The following GUCY2C variants were observed in gnomAD, a reference collection of about 807,000 sequenced individuals.
GUCY2C encodes guanylate cyclase 2C.
A neutral mutation model predicts 131.1 loss-of-function variants in GUCY2C; 118 were observed. That is an observed-to-expected ratio of 0.90 (90% CI 0.78 to 1.05). The LOEUF (loss-of-function observed/expected upper bound fraction) is 1.05, where lower values mean the gene tolerates loss of function less well. GUCY2C is among the 50% of genes least tolerant of loss of function. The pLI is 0.00. For synonymous variants in GUCY2C, 452 were observed against 457.8 expected, an observed-to-expected ratio of 0.99 and a Z score of 0.16; for missense variants, 1,161 against 1,304.4, an observed-to-expected ratio of 0.89 and a Z score of 1.69.
chr12:14,696,583 G>T lies in GUCY2C; in HGVS notation c.-135C>A. ...CCACTCTTCCCCACGCTTCTCTCTG[G>T]TCATGCCCAACTGGTCACATGGGCC... On this transcript the variant is annotated 5_prime_UTR_variant, in exon 1 of 27. Transcript: ENST00000261170. The T allele has an allele frequency of 1.5e-6, 1 of 659,366 alleles. No homozygotes were observed. Among genetic ancestry groups the T allele is most frequent in the Non-Finnish European group, 2.7e-6 (1 of 375,920 alleles). 40.8% of individuals were successfully genotyped at this position (659,366 alleles called of 1,614,324 possible).
At chr12:14,633,831 C>T (rs1762508837) in intron 19 of GUCY2C, among the ~76,000 whole-genome samples, 1 of 151,854 alleles carries the variant, frequency 6.6e-6, no homozygotes, top group African/African-American at 2.4e-5. Context: ...AACTTGAAGA[C>T]AGGTCTTTTG....
At chr12:14,631,148 A>G (rs1947134877) in intron 19 of GUCY2C, among the ~76,000 whole-genome samples, 1 of 152,192 alleles carries the variant, frequency 6.6e-6, no homozygotes, top group Non-Finnish European at 1.5e-5. Flanking sequence ...GTCTTTGTAA[A>G]TGGAAGGAAA....
chr12:14,642,351 A>T (rs779080285), intron 17 of GUCY2C, among the ~76,000 whole-genome samples: 42 of 152,184 alleles, frequency 2.8e-4, no homozygotes, highest in Non-Finnish European at 2.1e-4. Flanking sequence ...ATTTTTCTTC[A>T]ACATGCTTCG....
In GUCY2C at chr12:14,622,073, C is replaced by T. The variant is rs2136982859; in HGVS notation, c.2533G>A (p.Val845Met). The part of the protein sequence containing the change: ...TICKYSTPME[V>M]VDMLNDIYKS... ...TAGATGTCATTAAGCATGTCCACCA[C>T]TTCCATGGGGGTGCTGTATTTGCAG... The change falls in exon 22 of 27, where the codon GTG (valine) becomes ATG (methionine). Residue 845 changes from valine (V) to methionine (M), a missense_variant. Val to Met is a conservative substitution (Grantham distance 21). Coordinates refer to ENST00000261170, the MANE Select transcript of GUCY2C (RefSeq NM_004963.4). 6.2e-7 allele frequency: 1 copy of T among 1,610,242 alleles called. No homozygotes were observed. Among genetic ancestry groups the T allele is most frequent in the Non-Finnish European group, 8.5e-7 (1 of 1,178,646 alleles).
intron 21 of GUCY2C, 146 bp downstream of exon 21, chr12:14,625,611 G>A: frequency 1.3e-6 from 1 of 746,770 alleles, no homozygotes; most frequent in Non-Finnish European, 2.2e-6. Flanking sequence ...AGGATTACAG[G>A]CGTGAGCCTC....
chr12:14,628,625 A>C (rs745762393), intron 20 of GUCY2C, 21 bp downstream of exon 20: 1 of 1,231,294 alleles, frequency 8.1e-7, no homozygotes, highest in Non-Finnish European at 1.2e-6. Flanking sequence ...TAGTGAATAA[A>C]AGTAAACATT....
chr12:14,665,832 A>C (rs1484742866), intron 10 of GUCY2C: 1 of 152,224 alleles, frequency 6.6e-6, no homozygotes, highest in Non-Finnish European at 1.5e-5. Flanking sequence ...CCAGTCATGC[A>C]TATCGTATTT....
Position 14,625,804 on chromosome 12 carries a change from C to T in GUCY2C, c.2361G>A (p.Lys787=), listed in dbSNP as rs1275352650. 4 of 1,614,062 alleles carry T rather than the reference C, an allele frequency of 2.5e-6. No individual in the cohort carries two copies. In the South Asian group the frequency reaches 4.4e-5, roughly 18 times the overall value. Residue 787 remains lysine (K), a synonymous_variant, in exon 21 of 27, where the codon AAG becomes AAA. Coordinates refer to ENST00000261170, the MANE Select transcript of GUCY2C (RefSeq NM_004963.4). The stretch of plus-strand genomic sequence containing the variant: ...GTCTGTCAGCCCTGTCCCTCTCTGC[C>T]TTGTACAGCTGTGTCCTTTCCTCTA... The part of the protein sequence containing the change: ...HLVEERTQLY[K]AERDRADRLN...
chr12:14,658,409 G>A (rs1404765198), intron 11 of GUCY2C, among the ~76,000 whole-genome samples: 1 of 152,164 alleles, frequency 6.6e-6, no homozygotes, highest in African/African-American at 2.4e-5. Flanking sequence ...AGGCACAGTG[G>A]CTCACACCTA....
At chr12:14,672,748 G>C (rs1948140643) in intron 9 of GUCY2C, 125 bp downstream of exon 9, 1 of 648,322 alleles carries the variant, frequency 1.5e-6, no homozygotes, top group East Asian at 2.6e-5. Context: ...TTGTGAAGTT[G>C]AAATGAACTG....
In GUCY2C at chr12:14,648,777, C is replaced by T. The variant is rs939570977; in HGVS notation, c.1710+2630G>A. On this transcript the variant is annotated intron_variant, in intron 15 of 26. Coordinates refer to ENST00000261170, the MANE Select transcript of GUCY2C (RefSeq NM_004963.4). ...CTGTATATCTTATTTCTGTTTCACGCATTAGTGCTTTGGTTAGAACTTTCA... is the reference window on the plus strand; with the variant it reads ...CTGTATATCTTATTTCTGTTTCACGTATTAGTGCTTTGGTTAGAACTTTCA... Among the ~76,000 whole-genome samples, 23 of 152,170 alleles carry T rather than the reference C, an allele frequency of 1.5e-4. 1 individual carries two copies. Among genetic ancestry groups the T allele is most frequent in the African/African-American group, 5.3e-4 (22 of 41,444 alleles).
chr12:14,679,813 G>A, intron 5 of GUCY2C, 60 bp from the exon 6 acceptor site: 2 of 829,482 alleles, frequency 2.4e-6, no homozygotes, highest in Non-Finnish European at 4.1e-6. Flanking sequence ...AAACAGGCAG[G>A]GAACCAGTTG....
intron 1 of GUCY2C, 72 bp from the exon 2 acceptor site, chr12:14,688,135 G>A: frequency 1.0e-6 from 1 of 955,380 alleles, no homozygotes; most frequent in South Asian, 1.3e-5. Flanking sequence ...CCATGAGATT[G>A]ATTCTGGGAA....
chr12:14,692,826 G>A (rs745862065), intron 1 of GUCY2C, among the ~76,000 whole-genome samples: 1 of 152,112 alleles, frequency 6.6e-6, no homozygotes, highest in Non-Finnish European at 1.5e-5. Flanking sequence ...TCCAGCCTGG[G>A]CAACAAGAAC....
chr12:14,690,774 C>T (rs1270787951), intron 1 of GUCY2C, among the ~76,000 whole-genome samples: 1 of 152,116 alleles, frequency 6.6e-6, no homozygotes, highest in African/African-American at 2.4e-5. Context: ...ATCTCCTGAC[C>T]TCATGATCCG....
Position 14,651,465 on chromosome 12 carries a change from A to ACTGTGC in GUCY2C, c.1646_1651dup (p.Gly549_Thr550dup), listed in dbSNP as rs1947657067. The ACTGTGC allele has an allele frequency of 6.2e-7, 1 of 1,609,276 alleles. No homozygotes were observed. The highest frequency in any genetic ancestry group is 8.5e-7 in the Non-Finnish European group (1 of 1,175,698). On this transcript the variant is annotated inframe_insertion, in exon 15 of 27. Coordinates refer to ENST00000261170, the MANE Select transcript of GUCY2C (RefSeq NM_004963.4). ...CCCGAAGATCATGGTATCAAGTTTCACTGTGCCGTAGAACTTGGTCAGGTT... is the reference window on the plus strand; with the variant it reads ...CCCGAAGATCATGGTATCAAGTTTCACTGTGCCTGTGCCGTAGAACTTGGTCAGGTT...
intron 19 of GUCY2C, among the ~76,000 whole-genome samples, chr12:14,635,038 T>C (rs1947234078): frequency 6.6e-6 from 1 of 152,186 alleles, no homozygotes; most frequent in African/African-American, 2.4e-5. Context: ...AACACTCCAC[T>C]CTCAGCATTA....
chr12:14,680,514 T>C (rs1382433185), intron 5 of GUCY2C, among the ~76,000 whole-genome samples: 6 of 152,184 alleles, frequency 3.9e-5, no homozygotes, highest in Non-Finnish European at 8.8e-5. Context: ...ATAATGGCAA[T>C]AAATGATGAT....
Position 14,652,958 on chromosome 12 carries a change from G to A in GUCY2C, c.1527C>T (p.Asp509=). 6.2e-7 allele frequency: 1 copy of A among 1,607,106 alleles called. No homozygotes were observed. Among genetic ancestry groups the A allele is most frequent in the Non-Finnish European group, 8.5e-7 (1 of 1,173,534 alleles). ...GAGAAGTGGGAGAGGTCACCTTTTT[G>A]TCGTATTTGCACTGTCGTAGTCTCT... ...TIQRLRQCKY[D]KKRVILKDLK... Residue 509 remains aspartate, a synonymous_variant, in exon 13 of 27, where the codon GAC becomes GAT. Coordinates refer to ENST00000261170, the MANE Select transcript of GUCY2C (RefSeq NM_004963.4).
Sources: allele counts gnomAD v4.1 joint callset (sites outside exome capture counted in the v4.1 genomes callset), GRCh38; gene constraint gnomAD v4.1.1; transcripts MANE v1.5; gene names NCBI Gene and HGNC (gene_info 2026-07-23, HGNC 2026-07-21).